FSTL5: variants seen among roughly 807,000 people sequenced by gnomAD.
The protein encoded by FSTL5 is follistatin-related protein 5.
FSTL5 carries 62 observed loss-of-function variants against 89.1 expected under a neutral mutation model. The observed-to-expected ratio is 0.70, with a 90% CI of 0.57 to 0.86. The LOEUF is 0.86. Among genes scored for constraint, FSTL5 ranks in the 40% least tolerant of loss-of-function variants. The pLI, the probability that FSTL5 is intolerant of heterozygous loss-of-function variation, is 0.00. For synonymous variants in FSTL5, 383 were observed against 346.2 expected (o/e 1.11, Z -1.18); for missense variants, 1,057 against 1,001.6 (o/e 1.06, Z -0.75).
At chr4:161,694,793 T>C (rs2126723457) in intron 6 of FSTL5, among the ~76,000 whole-genome samples, 1 of 151,688 alleles carries the variant, frequency 6.6e-6, no homozygotes, top group Admixed American at 6.6e-5. Context: ...CTGGTGTTAT[T>C]GTTAATGGGT....
In FSTL5 at chr4:161,386,252, T is replaced by A; in HGVS notation, c.2039A>T (p.Asp680Val). 1 of 1,614,054 alleles carries A rather than the reference T, an allele frequency of 6.2e-7. No individual in the cohort carries two copies. The highest frequency in any genetic ancestry group is 8.5e-7 in the Non-Finnish European group (1 of 1,179,980). ...TGAVSPQVMV[D>V]GVTDSVIGFN... is the part of the protein sequence containing the mutation. ...CCCAATGACTGAGTCAGTTACACCG[T>A]CCACCATGACCTGTGGGGAAACTGC... Residue 680 changes from aspartate (D) to valine (V), a missense_variant, in exon 16 of 16, where the codon GAC becomes GTC. By Grantham distance (152) the Asp-to-Val change is radical. This residue lies in a region of FSTL5 where 980 missense variants were observed against 903.2 expected (regional missense o/e 1.08). Coordinates refer to ENST00000306100, the MANE Select transcript of FSTL5 (RefSeq NM_020116.5).
At chr4:162,005,616 T>A (rs146332526) in intron 3 of FSTL5, among the ~76,000 whole-genome samples, 253 of 152,194 alleles carry the variant, frequency 1.7e-3, no homozygotes, top group African/African-American at 5.9e-3. Context: ...AACAAAGGTA[T>A]TAGGGGAAGA....
intron 4 of FSTL5, among the ~76,000 whole-genome samples, chr4:161,811,280 G>A (rs1261583100): frequency 6.6e-6 from 1 of 152,194 alleles, no homozygotes; most frequent in African/African-American, 2.4e-5. Flanking sequence ...TATGGAAGCC[G>A]AAGCAAGAGA....
chr4:161,616,077 TTTTC>T (rs2126640518), intron 7 of FSTL5, among the ~76,000 whole-genome samples: 1 of 152,004 alleles, frequency 6.6e-6, no homozygotes, highest in Non-Finnish European at 1.5e-5. Flanking sequence ...TTTTTTTTCT[TTTTC>T]TTTTTTTATT....
intron 2 of FSTL5, among the ~76,000 whole-genome samples, chr4:162,068,048 A>AAACACAAAC (rs1323478389): frequency 1.3e-5 from 2 of 152,066 alleles, no homozygotes; most frequent in Non-Finnish European, 2.9e-5. Flanking sequence ...GAAACAATAA[A>AAACACAAAC]AAATGACACA....
At chr4:161,508,638 T>C (rs1200668704) in intron 11 of FSTL5, among the ~76,000 whole-genome samples, 1 of 152,182 alleles carries the variant, frequency 6.6e-6, no homozygotes, top group Admixed American at 6.5e-5. Flanking sequence ...AAAGCTTCTA[T>C]TCTATACTTT....
At chr4:162,070,101 G>A (rs1379026606) in intron 2 of FSTL5, among the ~76,000 whole-genome samples, 1 of 151,642 alleles carries the variant, frequency 6.6e-6, no homozygotes. Context: ...ATCTCATGTG[G>A]TTTTGGTTTG....
intron 15 of FSTL5, among the ~76,000 whole-genome samples, chr4:161,409,232 A>C (rs945412006): frequency 6.6e-6 from 1 of 152,202 alleles, no homozygotes; most frequent in Non-Finnish European, 1.5e-5. Flanking sequence ...AATCCTTATA[A>C]GCTAGAAGAG....
chr4:161,921,538 CACAT>C (rs1287433767), intron 3 of FSTL5, among the ~76,000 whole-genome samples: 1 of 152,038 alleles, frequency 6.6e-6, no homozygotes, highest in East Asian at 1.9e-4. Context: ...CATGTATACA[CACAT>C]ACATTTGTAT....
intron 5 of FSTL5, among the ~76,000 whole-genome samples, chr4:161,767,805 A>G (rs1741066968): frequency 6.6e-6 from 1 of 152,148 alleles, no homozygotes; most frequent in Non-Finnish European, 1.5e-5. Context: ...TTTATTCAAA[A>G]CAACATAAAA....
At chr4:162,090,176 A>T (rs1459569749) in intron 2 of FSTL5, among the ~76,000 whole-genome samples, 1 of 152,186 alleles carries the variant, frequency 6.6e-6, no homozygotes, top group Non-Finnish European at 1.5e-5. Context: ...TCCTGCACAT[A>T]GGAACAGGCA....
At chr4:161,398,192 G>A (rs369477685) in intron 15 of FSTL5, among the ~76,000 whole-genome samples, 30 of 152,090 alleles carry the variant, frequency 2.0e-4, no homozygotes, top group African/African-American at 6.3e-4. Flanking sequence ...TGACCACAAA[G>A]TAGCATGCAC....
chr4:161,418,865 C>T (rs1731882046), intron 15 of FSTL5, among the ~76,000 whole-genome samples: 1 of 152,172 alleles, frequency 6.6e-6, no homozygotes, highest in Admixed American at 6.5e-5. Context: ...ATATCAAATA[C>T]AAGCTGCCTT....
chr4:161,763,844 G>A (rs6827618), intron 5 of FSTL5, among the ~76,000 whole-genome samples: 32,878 of 151,998 alleles, frequency 0.22, 6,694 homozygotes, highest in African/African-American at 0.54. Flanking sequence ...CCCCTTCGGT[G>A]AGAAGAATGT....
intron 10 of FSTL5, among the ~76,000 whole-genome samples, chr4:161,534,133 C>T (rs6819623): frequency 0.059 from 8,954 of 151,934 alleles, 839 homozygotes; most frequent in African/African-American, 0.2. Flanking sequence ...ATACTGAATG[C>T]GCAAAAGCTG....
intron 3 of FSTL5, among the ~76,000 whole-genome samples, chr4:161,988,281 G>A (rs112972079): frequency 7.2e-5 from 11 of 152,162 alleles, no homozygotes; most frequent in African/African-American, 2.4e-4. Context: ...TCACAGATAG[G>A]CAATGTGATG....
intron 4 of FSTL5, among the ~76,000 whole-genome samples, chr4:161,894,327 G>T (rs946838501): frequency 6.6e-6 from 1 of 151,998 alleles, no homozygotes; most frequent in Admixed American, 6.6e-5. Context: ...TGTAATTTTA[G>T]TTCATGCTCA....
rs1578934095 is a variant in FSTL5, at chr4:161,386,594, A to G, written c.1842-145T>C. On this transcript the variant is annotated intron_variant, in intron 15 of 15. Coordinates refer to ENST00000306100, the MANE Select transcript of FSTL5 (RefSeq NM_020116.5). ...TTGTGTTACAATTGTGCTAGAATTA[A>G]TCTGTAGATTGTGCCACTCTCCTTC... 9.9e-6 allele frequency: 6 copies of G among 603,884 alleles called. No individual in the cohort carries two copies. The East Asian group carries it at 1.7e-4, about 17-fold the overall frequency. The allele number at this position is 603,884 out of a possible 1,614,324, so 37.4% of individuals were successfully genotyped here.
At chr4:162,114,280 G>C (rs924163676) in intron 1 of FSTL5, among the ~76,000 whole-genome samples, 4 of 152,006 alleles carry the variant, frequency 2.6e-5, no homozygotes, top group Non-Finnish European at 4.4e-5. Flanking sequence ...ATCCAAGATA[G>C]AGCCAAAAAT....
Sources: gnomAD v4.1 joint callset for allele counts (sites outside exome capture counted in the v4.1 genomes callset) on GRCh38, gnomAD v4.1.1 for gene constraint, gnomAD v4.1.1 regional missense constraint, MANE v1.5 for transcripts, NCBI Gene and HGNC (gene_info 2026-07-23, HGNC 2026-07-21) for gene names.